Variants in LRRTM4 observed in about 807,000 individuals in gnomAD.
LRRTM4 encodes the protein leucine-rich repeat transmembrane neuronal protein 4.
Under a neutral mutation model 47.6 loss-of-function variants are expected in LRRTM4, and 25 were observed. The ratio of observed to expected loss-of-function variants is 0.53; its 90% CI spans 0.38 to 0.73. The LOEUF is 0.73. Ranked by LOEUF, LRRTM4 falls within the 30% of genes least tolerant of loss-of-function variation. The pLI, the probability that LRRTM4 is intolerant of heterozygous loss-of-function variation, is 0.00. For synonymous variants in LRRTM4, 311 were observed against 269.5 expected, an observed-to-expected ratio of 1.15 and a Z score of -1.51; for missense variants, 638 against 713.4, an observed-to-expected ratio of 0.89 and a Z score of 1.20.
At chr2:76,769,043 T>C (rs982842983) in intron 3 of LRRTM4, among the ~76,000 whole-genome samples, 1 of 152,160 alleles carries the variant, frequency 6.6e-6, no homozygotes, top group Non-Finnish European at 1.5e-5. Flanking sequence ...GTTTAAGAAA[T>C]GACTCAACTT....
chr2:76,790,055 T>G (rs971806004), intron 3 of LRRTM4, among the ~76,000 whole-genome samples: 1 of 152,160 alleles, frequency 6.6e-6, no homozygotes, highest in African/African-American at 2.4e-5. Context: ...TTCCTTCTCT[T>G]AGATTCCCTT....
At chr2:77,319,985 C>T (rs1308086134) in intron 3 of LRRTM4, among the ~76,000 whole-genome samples, 1 of 152,102 alleles carries the variant, frequency 6.6e-6, no homozygotes, top group African/African-American at 2.4e-5. Flanking sequence ...TTTCAATAAA[C>T]AGTGAAAAAG....
chr2:77,036,939 T>A (rs1182195657), intron 3 of LRRTM4, among the ~76,000 whole-genome samples: 2 of 151,710 alleles, frequency 1.3e-5, no homozygotes, highest in African/African-American at 2.4e-5. Flanking sequence ...TGAAAGGAAG[T>A]GATTGACCCC....
intron 3 of LRRTM4, among the ~76,000 whole-genome samples, chr2:76,889,790 G>C (rs914628605): frequency 1.3e-5 from 2 of 151,700 alleles, no homozygotes; most frequent in African/African-American, 4.8e-5. Flanking sequence ...ATATAGGAGA[G>C]GAAAAGAGGC....
At chr2:77,169,882 G>A (rs917727231) in intron 3 of LRRTM4, among the ~76,000 whole-genome samples, 1 of 152,100 alleles carries the variant, frequency 6.6e-6, no homozygotes, top group African/African-American at 2.4e-5. Flanking sequence ...TCTTCAATTT[G>A]TGTAAAGTTT....
chr2:77,236,455 T>C (rs1675105700), intron 3 of LRRTM4, among the ~76,000 whole-genome samples: 1 of 151,918 alleles, frequency 6.6e-6, no homozygotes, highest in Admixed American at 6.6e-5. Flanking sequence ...ATCATATTTT[T>C]TTTTTGCCAA....
intron 3 of LRRTM4, among the ~76,000 whole-genome samples, chr2:77,008,797 G>A (rs114958140): frequency 0.014 from 2,060 of 152,146 alleles, 35 homozygotes; most frequent in African/African-American, 0.046. Flanking sequence ...AAGGCATGAC[G>A]AGGCGCCGGC....
intron 3 of LRRTM4, among the ~76,000 whole-genome samples, chr2:77,052,226 T>C (rs1489603332): frequency 1.5e-5 from 2 of 136,198 alleles, no homozygotes; most frequent in Non-Finnish European, 3.0e-5. Flanking sequence ...TACAGTGCAG[T>C]GGCATGATCT....
At chr2:76,978,897 A>C (rs1297630460) in intron 3 of LRRTM4, among the ~76,000 whole-genome samples, 1 of 152,042 alleles carries the variant, frequency 6.6e-6, no homozygotes, top group East Asian at 1.9e-4. Context: ...GAGGTTACAG[A>C]AATGAAGGGA....
intron 3 of LRRTM4, among the ~76,000 whole-genome samples, chr2:76,974,227 C>CATATATATATACATATATATACAT (rs1558771791): frequency 8.0e-6 from 1 of 125,152 alleles, no homozygotes; most frequent in Non-Finnish European, 1.6e-5. Context: ...TATATACATA[C>CATATATATATACATATATATACAT]ATATATATAT....
chr2:77,518,335 C>G lies in LRRTM4; in HGVS notation c.1534G>C (p.Gly512Arg), dbSNP rs771795694. 1 of 1,607,882 alleles carries G rather than the reference C, an allele frequency of 6.2e-7. No homozygotes were observed. Among genetic ancestry groups the G allele is most frequent in the Non-Finnish European group, 8.5e-7 (1 of 1,176,998 alleles). ...GTTCATACCTCACATTCCCTGGAGC[C>G]AGAGATGGTATATGTGCAGGGCCCA... ...GSGPCTYTISGSRECEMPHHM... is the reference protein window; with the variant it reads ...GSGPCTYTISRSRECEMPHHM... The change falls in exon 3 of 4, where the codon GGC (glycine) becomes CGC (arginine). Residue 512 changes from glycine to arginine, a missense_variant. Gly to Arg is a moderately radical substitution (Grantham distance 125, BLOSUM62 -2). Coordinates refer to ENST00000409884, the MANE Select transcript of LRRTM4 (RefSeq NM_001134745.3).
intron 3 of LRRTM4, among the ~76,000 whole-genome samples, chr2:76,887,588 G>C (rs1673118236): frequency 6.9e-6 from 1 of 145,884 alleles, no homozygotes; most frequent in African/African-American, 2.5e-5. Context: ...TATACAAACA[G>C]ATATAATATA....
chr2:77,403,196 T>C (rs1674030667), intron 3 of LRRTM4, among the ~76,000 whole-genome samples: 1 of 151,984 alleles, frequency 6.6e-6, no homozygotes, highest in Non-Finnish European at 1.5e-5. Flanking sequence ...AAACTCTTAA[T>C]AATCAATTTG....
At chr2:76,798,744 T>C (rs573317031) in intron 3 of LRRTM4, among the ~76,000 whole-genome samples, 6 of 150,366 alleles carry the variant, frequency 4.0e-5, no homozygotes, top group Admixed American at 3.3e-4. Flanking sequence ...ATCAAATAGA[T>C]GCAATAAAAA....
chr2:76,794,260 A>C (rs974903029), intron 3 of LRRTM4, among the ~76,000 whole-genome samples: 3 of 152,216 alleles, frequency 2.0e-5, no homozygotes, highest in Admixed American at 6.5e-5. Context: ...TATACTCAGA[A>C]GAGAGAAGGA....
At chr2:77,119,190 C>T (rs2103951840) in intron 3 of LRRTM4, among the ~76,000 whole-genome samples, 1 of 151,924 alleles carries the variant, frequency 6.6e-6, no homozygotes, top group East Asian at 1.9e-4. Context: ...ATACCTACCA[C>T]CCCCATCCCC....
chr2:77,210,803 ATCT>A lies in LRRTM4; in HGVS notation c.1551+307512_1551+307514del, dbSNP rs567970698. On this transcript the variant is annotated intron_variant, in intron 3 of 3. Transcript: ENST00000409884. ...ATAATTTTCCAAAATAATTTTAAAA[ATCT>A]TCTTCTATCAGGCAAGTTCACCAAA... Among the ~76,000 whole-genome samples the A allele has an allele frequency of 5.2e-3, 790 of 152,242 alleles. 9 individuals are homozygous for A. Among genetic ancestry groups the A allele is most frequent in the African/African-American group, 0.018 (753 of 41,548 alleles).
intron 3 of LRRTM4, among the ~76,000 whole-genome samples, chr2:77,029,449 G>A (rs186032766): frequency 4.2e-4 from 64 of 152,024 alleles, no homozygotes; most frequent in African/African-American, 1.5e-3. Context: ...GAAGAACTTG[G>A]AGTCTGATGT....
At chr2:76,948,079 G>A (rs1394426685) in intron 3 of LRRTM4, among the ~76,000 whole-genome samples, 1 of 151,832 alleles carries the variant, frequency 6.6e-6, no homozygotes, top group Non-Finnish European at 1.5e-5. Flanking sequence ...TTTGAGTCAA[G>A]AGAGAGATTC....
Sources: allele counts gnomAD v4.1 joint callset (sites outside exome capture counted in the v4.1 genomes callset), GRCh38; gene constraint gnomAD v4.1.1; transcripts MANE v1.5; gene names NCBI Gene and HGNC (gene_info 2026-07-23, HGNC 2026-07-21).